Variants in PTPRG observed in about 807,000 individuals in gnomAD.
PTPRG encodes the protein receptor-type tyrosine-protein phosphatase gamma.
PTPRG carries 102 observed loss-of-function variants against 165.3 expected under a neutral mutation model. The ratio of observed to expected loss-of-function variants is 0.62; its 90% CI spans 0.53 to 0.73. The LOEUF (loss-of-function observed/expected upper bound fraction) is 0.73, where lower values mean the gene tolerates loss of function less well. PTPRG is among the 30% of genes least tolerant of loss of function. The pLI is 0.00. For missense variants in PTPRG, 1,866 were observed against 1,861.4 expected (o/e 1.00, Z -0.05); for synonymous variants, 675 against 669.5 (o/e 1.01, Z -0.13).
chr3:61,670,734 G>A (rs1053411354), intron 1 of PTPRG, among the ~76,000 whole-genome samples: 2 of 152,172 alleles, frequency 1.3e-5, no homozygotes, highest in Admixed American at 6.5e-5. Flanking sequence ...TAGACTGGGC[G>A]CGAGTTTTCA....
intron 2 of PTPRG, among the ~76,000 whole-genome samples, chr3:61,890,570 T>C (rs2038185406): frequency 6.6e-6 from 1 of 152,308 alleles, no homozygotes; most frequent in Admixed American, 6.5e-5. Context: ...TTTATAATAA[T>C]GTTAATATTT....
intron 2 of PTPRG, among the ~76,000 whole-genome samples, chr3:61,933,970 G>A (rs2039423844): frequency 1.3e-5 from 2 of 152,348 alleles, no homozygotes; most frequent in South Asian, 4.1e-4. Context: ...TGAGCCACAT[G>A]TGGGTCAGGC....
intron 2 of PTPRG, among the ~76,000 whole-genome samples, chr3:61,925,099 T>A (rs1279894183): frequency 2.6e-5 from 4 of 152,220 alleles, no homozygotes; most frequent in Admixed American, 6.5e-5. Flanking sequence ...AGCCACCTAG[T>A]TTGTGGTATT....
intron 4 of PTPRG, among the ~76,000 whole-genome samples, chr3:62,027,855 G>A (rs536829091): frequency 8.5e-4 from 130 of 152,258 alleles, no homozygotes; most frequent in Non-Finnish European, 1.3e-3. Context: ...AGGAAGAGAG[G>A]CACTTTTTTT....
chr3:62,019,928 C>A (rs1559750324), intron 4 of PTPRG, among the ~76,000 whole-genome samples: 1 of 151,998 alleles, frequency 6.6e-6, no homozygotes, highest in Non-Finnish European at 1.5e-5. Context: ...AAACCTCTAT[C>A]TCTATTTTTC....
At chr3:61,583,862 A>G (rs2106803778) in intron 1 of PTPRG, among the ~76,000 whole-genome samples, 1 of 152,222 alleles carries the variant, frequency 6.6e-6, no homozygotes, top group South Asian at 2.1e-4. Context: ...GGTTCTCTCA[A>G]TACATTCTTT....
chr3:61,715,985 A>C (rs2031789971), intron 1 of PTPRG, among the ~76,000 whole-genome samples: 1 of 152,122 alleles, frequency 6.6e-6, no homozygotes, highest in Non-Finnish European at 1.5e-5. Flanking sequence ...CCTAGACATA[A>C]GAGGAGCATA....
In PTPRG at chr3:62,255,703, A is replaced by G. The variant is rs374061376; in HGVS notation, c.2559+488A>G. On this transcript the variant is annotated intron_variant, in intron 16 of 29. Coordinates refer to ENST00000474889, the MANE Select transcript of PTPRG (RefSeq NM_002841.4). This position sits in a 1 kb window ranked among gnomAD's most constrained non-coding sequence, Gnocchi z 4.0. ...TTCCCATTTTTGAAAAATGGCACCA[A>G]TGTCACCTACATTGTAACGTCGTTG... Among the ~76,000 whole-genome samples, 2 of 152,294 alleles carry G rather than the reference A, an allele frequency of 1.3e-5. No homozygotes were observed. The highest frequency in any genetic ancestry group is 6.5e-5 in the Admixed American group (1 of 15,290).
chr3:62,129,002 C>A (rs1446231342), intron 5 of PTPRG, among the ~76,000 whole-genome samples: 3 of 152,102 alleles, frequency 2.0e-5, no homozygotes, highest in Admixed American at 1.3e-4. Flanking sequence ...TAGTAAGTTA[C>A]TTTGACCAGC....
chr3:62,061,667 C>T (rs1397696487), intron 4 of PTPRG, among the ~76,000 whole-genome samples: 3 of 149,886 alleles, frequency 2.0e-5, no homozygotes, highest in Non-Finnish European at 4.4e-5. Context: ...CTCGCTCTGT[C>T]GCCCAGGCCG....
At chr3:62,038,663 T>G (rs915009332) in intron 4 of PTPRG, among the ~76,000 whole-genome samples, 1 of 152,244 alleles carries the variant, frequency 6.6e-6, no homozygotes, top group Non-Finnish European at 1.5e-5. Flanking sequence ...TCCAAAGTGC[T>G]GGGATTACAG....
At chr3:61,630,217 T>A (rs1701730670) in intron 1 of PTPRG, among the ~76,000 whole-genome samples, 1 of 152,204 alleles carries the variant, frequency 6.6e-6, no homozygotes, top group African/African-American at 2.4e-5. Context: ...TTCTGGGTCT[T>A]TTTTATGGAG....
intron 1 of PTPRG, among the ~76,000 whole-genome samples, chr3:61,575,067 G>A (rs991913976): frequency 1.3e-5 from 2 of 152,168 alleles, no homozygotes; most frequent in South Asian, 2.1e-4. Flanking sequence ...AGGACAGACC[G>A]AAACCATAGC....
chr3:61,566,517 T>C (rs1699918902), intron 1 of PTPRG, among the ~76,000 whole-genome samples: 1 of 152,240 alleles, frequency 6.6e-6, no homozygotes, highest in South Asian at 2.1e-4. Context: ...AGACTTCTTT[T>C]CTTTTTTTGA....
At chr3:61,574,113 C>G (rs938958) in intron 1 of PTPRG, among the ~76,000 whole-genome samples, 12 of 151,528 alleles carry the variant, frequency 7.9e-5, no homozygotes, top group African/African-American at 2.9e-4. Context: ...GGCCTTGGCT[C>G]TTAGGTGATT....
chr3:61,935,908 G>A (rs919146865), intron 2 of PTPRG, among the ~76,000 whole-genome samples: 20 of 151,910 alleles, frequency 1.3e-4, no homozygotes, highest in African/African-American at 3.4e-4. Flanking sequence ...TTCAAAATGC[G>A]TGTTGAAACT....
chr3:62,035,847 C>G (rs1699921229), intron 4 of PTPRG, among the ~76,000 whole-genome samples: 1 of 152,148 alleles, frequency 6.6e-6, no homozygotes, highest in Non-Finnish European at 1.5e-5. Context: ...GCTGTTCTCC[C>G]AGATGCTGGA....
In PTPRG at chr3:62,203,075, G is replaced by A; in HGVS notation, c.1378-98G>A. 9.3e-6 allele frequency: 14 copies of A among 1,504,044 alleles called. No homozygotes were observed. Among genetic ancestry groups the A allele is most frequent in the Non-Finnish European group, 1.2e-5 (14 of 1,126,872 alleles). The allele number at this position is 1,504,044 out of a possible 1,614,324, so 93.2% of individuals were successfully genotyped here. A position where few individuals can be genotyped will look rare whatever the true frequency, so the allele number is the denominator to read the frequency against. On this transcript the variant is annotated intron_variant, in intron 11 of 29. Coordinates refer to ENST00000474889, the MANE Select transcript of PTPRG (RefSeq NM_002841.4). This position sits in a 1 kb window ranked among gnomAD's most constrained non-coding sequence, Gnocchi z 6.4. ...CATAGATGAGTAAAATCCTCAGAGG[G>A]TGACAACCAGGGCCTCATTCCCAAT...
chr3:61,842,086 AAC>A (rs1277613657), intron 2 of PTPRG, among the ~76,000 whole-genome samples: 1 of 152,216 alleles, frequency 6.6e-6, no homozygotes, highest in African/African-American at 2.4e-5. Context: ...TTATTTAATA[AAC>A]ACAGTTATAA....
Sources: gnomAD v4.1 joint callset for allele counts (sites outside exome capture counted in the v4.1 genomes callset) on GRCh38, gnomAD v4.1.1 for gene constraint, Gnocchi (gnomAD v3.1) non-coding constraint, MANE v1.5 for transcripts, NCBI Gene and HGNC (gene_info 2026-07-23, HGNC 2026-07-21) for gene names.